The following FAM81A variants were observed in gnomAD, a reference collection of about 807,000 sequenced individuals.
FAM81A encodes family with sequence similarity 81 member A.
Under a neutral mutation model 46.7 loss-of-function variants are expected in FAM81A, and 19 were observed. That is an observed-to-expected ratio of 0.41 (90% CI 0.28 to 0.60). The LOEUF is 0.60. FAM81A is among the 20% of genes least tolerant of loss of function. The pLI is 0.34. For missense variants in FAM81A, 377 were observed against 453.5 expected (o/e 0.83, Z 1.53); for synonymous variants, 183 against 152.9 (o/e 1.20, Z -1.45).
At chr15:59,405,536 G>C (rs1168309815) in intron 2 of FAM81A, among the ~76,000 whole-genome samples, 1 of 152,122 alleles carries the variant, frequency 6.6e-6, no homozygotes, top group African/African-American at 2.4e-5. Flanking sequence ...AGCTACTTGG[G>C]AGGCTGATGG....
intron 6 of FAM81A, 47 bp from the exon 7 acceptor site, chr15:59,514,240 AAT>A (rs1346186131): frequency 1.3e-6 from 2 of 1,485,650 alleles, no homozygotes; most frequent in Non-Finnish European, 1.8e-6. Context: ...AAATAAAAAA[AAT>A]AAAAAATAAA....
intron 1 of FAM81A, among the ~76,000 whole-genome samples, chr15:59,457,964 T>C (rs1440592061): frequency 6.6e-6 from 1 of 152,238 alleles, no homozygotes; most frequent in Non-Finnish European, 1.5e-5. Context: ...AGATGAAATA[T>C]GAATGATTGT....
intron 2 of FAM81A, chr15:59,407,291 C>CTTTTTTTTTTTTTTTT (rs3053043): frequency 8.3e-6 from 1 of 120,220 alleles, no homozygotes; most frequent in Non-Finnish European, 1.7e-5. Flanking sequence ...CTTTTCTTTC[C>CTTTTTTTTTTTTTTTT]TTTTTTTTTT....
At chr15:59,455,533 C>G (rs777640770) in intron 1 of FAM81A, among the ~76,000 whole-genome samples, 18 of 152,200 alleles carry the variant, frequency 1.2e-4, no homozygotes, top group Non-Finnish European at 1.6e-4. Flanking sequence ...CTTTATTCAT[C>G]TGCAATATAG....
intron 3 of FAM81A, among the ~76,000 whole-genome samples, chr15:59,471,850 T>C (rs1365480231): frequency 6.6e-6 from 1 of 152,180 alleles, no homozygotes; most frequent in South Asian, 2.1e-4. Context: ...AGGACAAGGA[T>C]TCACTCAGAA....
At chr15:59,506,589 T>G (rs193096221) in intron 4 of FAM81A, among the ~76,000 whole-genome samples, 129 of 152,302 alleles carry the variant, frequency 8.5e-4, no homozygotes, top group Non-Finnish European at 1.6e-4. Flanking sequence ...TAGTTAGCTC[T>G]AAACTCTTAT....
chr15:59,496,111 A>G (rs1184602540), intron 4 of FAM81A, among the ~76,000 whole-genome samples: 2 of 152,188 alleles, frequency 1.3e-5, no homozygotes, highest in Non-Finnish European at 2.9e-5. Flanking sequence ...ACAAAGATTT[A>G]TGCCTATATT....
chr15:59,445,800 C>T (rs2081348305), intron 1 of FAM81A, among the ~76,000 whole-genome samples: 3 of 152,330 alleles, frequency 2.0e-5, no homozygotes, highest in African/African-American at 4.8e-5. Flanking sequence ...TTTTTCTCTT[C>T]TAGCTGTTGC....
chr15:59,403,020 G>C (rs1228521461), intron 2 of FAM81A, among the ~76,000 whole-genome samples: 1 of 150,528 alleles, frequency 6.6e-6, no homozygotes, highest in African/African-American at 2.4e-5. Flanking sequence ...TGCCGATGTA[G>C]AGGAACGCTA....
chr15:59,507,349 C>T lies in FAM81A; in HGVS notation c.543+7C>T. The T allele has an allele frequency of 1.9e-6, 3 of 1,610,932 alleles. No homozygotes were observed. Among genetic ancestry groups the T allele is most frequent in the South Asian group, 2.2e-5 (2 of 90,306 alleles). ...CAAAGATGCAGAGGGACAGGTACGA[C>T]CTGTTTCAGGTAGCTTTTAGAAGCG... is the stretch of plus-strand genomic sequence containing the variant. On this transcript the variant is annotated splice_region_variant and intron_variant, in intron 5 of 8. Transcript: ENST00000288228.
At chr15:59,458,497 G>C in intron 1 of FAM81A, 53 bp from the exon 2 acceptor site, 2 of 1,301,268 alleles carry the variant, frequency 1.5e-6, no homozygotes, top group South Asian at 1.3e-5. Flanking sequence ...AGCTTTTGAG[G>C]TTAAGTTCTA....
At chr15:59,497,429 G>C (rs1169224274) in intron 4 of FAM81A, among the ~76,000 whole-genome samples, 1 of 151,720 alleles carries the variant, frequency 6.6e-6, no homozygotes, top group East Asian at 1.9e-4. Flanking sequence ...CTGGGCAACA[G>C]AGCAAGACTC....
chr15:59,478,320 C>T (rs555179913), intron 3 of FAM81A, among the ~76,000 whole-genome samples: 14 of 152,256 alleles, frequency 9.2e-5, no homozygotes, highest in African/African-American at 3.1e-4. Flanking sequence ...TGTATCAAGC[C>T]CTCATCTAAT....
intron 1 of FAM81A, among the ~76,000 whole-genome samples, chr15:59,453,757 A>G (rs1180340063): frequency 6.6e-6 from 1 of 151,838 alleles, no homozygotes; most frequent in African/African-American, 2.4e-5. Context: ...TTTGGAAGAG[A>G]GGAGGCAGGG....
chr15:59,437,344 A>G (rs1463536065), upstream of FAM81A, among the ~76,000 whole-genome samples: 1 of 151,684 alleles, frequency 6.6e-6, no homozygotes, highest in Non-Finnish European at 1.5e-5. Context: ...GAACCAGATG[A>G]GGCAAAGGTC....
chr15:59,402,247 T>A (rs2140463092), intron 1 of FAM81A: 1 of 167,352 alleles, frequency 6.0e-6, no homozygotes, highest in South Asian at 1.6e-4. Flanking sequence ...TATCTTAATA[T>A]TCCTTAATAT....
At chr15:59,406,047 T>C (rs530999785) in intron 2 of FAM81A, among the ~76,000 whole-genome samples, 6 of 152,258 alleles carry the variant, frequency 3.9e-5, no homozygotes, top group Non-Finnish European at 5.9e-5. Flanking sequence ...TGGCTGTCAA[T>C]GTCCAAGGCC....
At chr15:59,423,159 G>A (rs1354375814) in intron 2 of FAM81A, among the ~76,000 whole-genome samples, 1 of 152,130 alleles carries the variant, frequency 6.6e-6, no homozygotes, top group African/African-American at 2.4e-5. Context: ...GTGCAGTGGC[G>A]CGATCTCGGC....
intron 3 of FAM81A, among the ~76,000 whole-genome samples, chr15:59,490,711 C>G (rs2081971624): frequency 6.6e-6 from 1 of 152,134 alleles, no homozygotes; most frequent in African/African-American, 2.4e-5. Flanking sequence ...TGATGCATGC[C>G]TGTAATCCCA....
Sources: allele counts gnomAD v4.1 joint callset (sites outside exome capture counted in the v4.1 genomes callset), GRCh38; gene constraint gnomAD v4.1.1; transcripts MANE v1.5; gene names NCBI Gene and HGNC (gene_info 2026-07-23, HGNC 2026-07-21).